Variants in MMRN2 observed in about 807,000 individuals in gnomAD.
MMRN2 encodes multimerin 2, also known as multimerin-2.
In MMRN2, 53 loss-of-function variants were observed where a neutral mutation model predicts 68.8. The observed-to-expected ratio is 0.77, with a 90% CI of 0.62 to 0.97. MMRN2 has a LOEUF of 0.97. Among genes scored for constraint, MMRN2 ranks in the 50% least tolerant of loss-of-function variants. The pLI, the probability that MMRN2 is intolerant of heterozygous loss-of-function variation, is 0.00. For missense variants in MMRN2, 1,266 were observed against 1,259.5 expected, an observed-to-expected ratio of 1.01 and a Z score of -0.08; for synonymous variants, 564 against 551.6, an observed-to-expected ratio of 1.02 and a Z score of -0.32.
At chr10:86,945,943 A>G in intron 1 of MMRN2, 1 of 934,304 alleles carries the variant, frequency 1.1e-6, no homozygotes, top group South Asian at 1.8e-5. Flanking sequence ...AGGCTGAGAA[A>G]CCCACCACAA....
intron 1 of MMRN2, among the ~76,000 whole-genome samples, chr10:86,954,718 C>T (rs1156615172): frequency 6.6e-6 from 1 of 151,986 alleles, no homozygotes; most frequent in Non-Finnish European, 1.5e-5. Context: ...AAGCCTGAGG[C>T]TCTCAGGGAT....
intron 1 of MMRN2, chr10:86,949,897 A>AATG (rs1263462394): frequency 4.8e-5 from 7 of 147,210 alleles, no homozygotes; most frequent in Non-Finnish European, 9.0e-5. Context: ...TAATAATGAT[A>AATG]ATAATAATAA....
At chr10:86,942,014 C>T (rs950888834) in intron 6 of MMRN2, among the ~76,000 whole-genome samples, 2 of 151,946 alleles carry the variant, frequency 1.3e-5, no homozygotes, top group East Asian at 3.9e-4. Context: ...GGGCAGGAGG[C>T]GATGCCCTCT....
Position 86,943,863 on chromosome 10 carries a change from C to A in MMRN2, c.921G>T (p.Leu307=), listed in dbSNP as rs1402318332. Residue 307 remains leucine, a synonymous_variant, in exon 6 of 7, where the codon CTG becomes CTT. Transcript: ENST00000372027. This position sits in a 1 kb window ranked among gnomAD's most constrained non-coding sequence, Gnocchi z 4.2. ...GCAGGCGGTCCTCCACGTCCTGTCGCAGCTGACCCACTCTCTGAGTGTTCT... is the reference window on the plus strand; with the variant it reads ...GCAGGCGGTCCTCCACGTCCTGTCGAAGCTGACCCACTCTCTGAGTGTTCT... ...VQENTQRVGQ[L]RQDVEDRLHA... 3.1e-6 allele frequency: 5 copies of A among 1,613,696 alleles called. No homozygotes were observed.
Position 86,937,041 on chromosome 10 carries a change from A to G in MMRN2, c.2552T>C (p.Ile851Thr), listed in dbSNP as rs201470812. Residue 851 changes from isoleucine (I) to threonine (T), a missense_variant, in exon 7 of 7, where the codon ATT (isoleucine) becomes ACT (threonine). Ile to Thr is a moderately conservative substitution (Grantham distance 89). Coordinates refer to ENST00000372027, the MANE Select transcript of MMRN2 (RefSeq NM_024756.3). The part of the protein sequence containing the change: ...TVKFNTTYIN[I>T]GSSYFPEHGY... The stretch of plus-strand genomic sequence containing the variant: ...ATGTTCAGGGAAGTAGCTGCTGCCA[A>G]TGTTGATGTATGTGGTGTTGAACTT... 1.2e-5 allele frequency: 19 copies of G among 1,614,076 alleles called. No homozygotes were observed. The highest frequency in any genetic ancestry group is 5.3e-5 in the African/African-American group (4 of 74,928).
In MMRN2 at chr10:86,943,097, G is replaced by A. The variant is rs1406260169; in HGVS notation, c.1687C>T (p.Arg563Trp). Residue 563 changes from arginine (R) to tryptophan (W), a missense_variant, in exon 6 of 7, where the codon CGG becomes TGG. By Grantham distance (101) the Arg-to-Trp change is moderately radical (BLOSUM62 -3). Transcript: ENST00000372027. The surrounding 1 kb of genome is among the most constrained non-coding windows in gnomAD (Gnocchi z 4.2). Reference protein sequence around the residue: ...EGERARAATSRLRSQVQALDD... With the variant: ...EGERARAATSWLRSQVQALDD... Reference sequence around the variant, plus strand: ...AGCGCCTGCACTTGGCTCCGGAGCCGCGACGTGGCCGCCCGCGCCCGCTCG... The same window carrying A: ...AGCGCCTGCACTTGGCTCCGGAGCCACGACGTGGCCGCCCGCGCCCGCTCG... The A allele has an allele frequency of 2.1e-6, 3 of 1,458,544 alleles. No individual in the cohort carries two copies. The highest frequency in any genetic ancestry group is 2.7e-6 in the Non-Finnish European group (3 of 1,114,694). The allele number at this position is 1,458,544 out of a possible 1,614,324, so 90.4% of individuals were successfully genotyped here. A position where few individuals can be genotyped will look rare whatever the true frequency, so the allele number is the denominator to read the frequency against.
chr10:86,939,806 GGTGTGTGTGTGTGTGT>G (rs769816445), intron 6 of MMRN2, among the ~76,000 whole-genome samples: 2 of 146,626 alleles, frequency 1.4e-5, no homozygotes, highest in South Asian at 2.2e-4. Context: ...GGAAATTTGG[GGTGTGTGTGTGTGTGT>G]GTGTGTGTGT....
At position 86,942,825 on chromosome 10, in the gene MMRN2, G is replaced by T; in HGVS notation, c.1959C>A (p.Leu653=). 9 of 1,366,810 alleles carry T rather than the reference G, an allele frequency of 6.6e-6. No homozygotes were observed. The highest frequency in any genetic ancestry group is 1.7e-5 in the South Asian group (1 of 58,154). The allele number at this position is 1,366,810 out of a possible 1,614,324, so 84.7% of individuals were successfully genotyped here. A position where few individuals can be genotyped will look rare whatever the true frequency, so the allele number is the denominator to read the frequency against. ...DAASGLQEQA[L]GWDELAARVT... ...CTCGGGCGGCCAGCTCGTCCCAGCC[G>T]AGCGCCTGCTCCTGCAGCCCGCTAG... Residue 653 remains leucine (L), a synonymous_variant, in exon 6 of 7, where the codon CTC becomes CTA. Transcript: ENST00000372027.
chr10:86,944,965 A>G (rs1194192854), intron 4 of MMRN2, among the ~76,000 whole-genome samples: 2 of 152,204 alleles, frequency 1.3e-5, no homozygotes, highest in African/African-American at 4.8e-5. Context: ...TTCCCAGAAG[A>G]TGGGGTGAAG....
chr10:86,947,151 G>A (rs1368980127), intron 1 of MMRN2, among the ~76,000 whole-genome samples: 28 of 152,166 alleles, frequency 1.8e-4, no homozygotes, highest in Admixed American at 1.8e-3. Flanking sequence ...CTGTGTCCAC[G>A]GTCTGGGGAG....
chr10:86,943,173 C>T lies in MMRN2; in HGVS notation c.1611G>A (p.Gln537=). Residue 537 remains glutamine, a synonymous_variant, in exon 6 of 7, where the codon CAG becomes CAA. Coordinates refer to ENST00000372027, the MANE Select transcript of MMRN2 (RefSeq NM_024756.3). This position sits in a 1 kb window ranked among gnomAD's most constrained non-coding sequence, Gnocchi z 4.2. The part of the protein sequence containing the change: ...QLDGSSLQAL[Q]NAVDAVSLAV... ...CCAGCGACACGGCGTCCACGGCGTTCTGCAGGGCCTGCAGGGAGGAGCCGT... is the reference window on the plus strand; with the variant it reads ...CCAGCGACACGGCGTCCACGGCGTTTTGCAGGGCCTGCAGGGAGGAGCCGT... 1.2e-6 allele frequency: 2 copies of T among 1,606,582 alleles called. No individual in the cohort carries two copies. The highest frequency in any genetic ancestry group is 1.7e-6 in the Non-Finnish European group (2 of 1,176,674).
rs761241931 is a variant in MMRN2 at position 86,943,593 on chromosome 10, G to C, written c.1191C>G (p.Thr397=). The change falls in exon 6 of 7, where the codon ACC becomes ACG. Residue 397 remains threonine (T), a synonymous_variant. Coordinates refer to ENST00000372027, the MANE Select transcript of MMRN2 (RefSeq NM_024756.3). The surrounding 1 kb of genome is among the most constrained non-coding windows in gnomAD (Gnocchi z 4.2). ...TCAGGGTGGCCCTCATGTCCTCCAG[G>C]GTGTACTGCAACTCCTCCTCCCTGC... ...TARREEELQY[T]LEDMRATLTR... 1.2e-6 allele frequency: 2 copies of C among 1,614,064 alleles called. No individual in the cohort carries two copies. The highest frequency in any genetic ancestry group is 8.5e-7 in the Non-Finnish European group (1 of 1,180,030).
chr10:86,945,106 T>G, intron 4 of MMRN2, 82 bp downstream of exon 4: 1 of 1,234,156 alleles, frequency 8.1e-7, no homozygotes, highest in Non-Finnish European at 1.2e-6. Context: ...GAAATGGCAC[T>G]GCTGTATCAC....
Position 86,943,542 on chromosome 10 carries a change from T to C in MMRN2, c.1242A>G (p.Glu414=), listed in dbSNP as rs746909274. 2 of 1,614,220 alleles carry C rather than the reference T, an allele frequency of 1.2e-6. No homozygotes were observed. Among genetic ancestry groups the C allele is most frequent in the South Asian group, 1.1e-5 (1 of 91,084 alleles). Residue 414 remains glutamate (E), a synonymous_variant, in exon 6 of 7, where the codon GAA becomes GAG. Coordinates refer to ENST00000372027, the MANE Select transcript of MMRN2 (RefSeq NM_024756.3). The surrounding 1 kb of genome is among the most constrained non-coding windows in gnomAD (Gnocchi z 4.2). The part of the protein sequence containing the change: ...TLTRHVDEIK[E]LYSESDETFD... The stretch of plus-strand genomic sequence containing the variant: ...AAGTCTCGTCCGATTCGGAGTACAG[T>C]TCCTTGATCTCATCCACGTGCCGGG...
Position 86,935,669 on chromosome 10 carries a change from G to A in MMRN2, c.*1074C>T, listed in dbSNP as rs1843866315. The A allele has an allele frequency of 6.6e-6, 1 of 152,160 alleles. No homozygotes were observed. The highest frequency in any genetic ancestry group is 2.4e-5 in the African/African-American group (1 of 41,446). The allele number at this position is 152,160 out of a possible 1,614,324, so 9.4% of individuals were successfully genotyped here. A position where few individuals can be genotyped will look rare whatever the true frequency, so the allele number is the denominator to read the frequency against. On this transcript the variant is annotated 3_prime_UTR_variant, in exon 7 of 7. Transcript: ENST00000372027. Reference sequence around the variant, plus strand: ...AGAATTACGATGGTCCTAAGATACTGGAGGAAGTAAAAAAGTTGAAGGCCC... The same window carrying A: ...AGAATTACGATGGTCCTAAGATACTAGAGGAAGTAAAAAAGTTGAAGGCCC...
intron 6 of MMRN2, among the ~76,000 whole-genome samples, chr10:86,938,911 C>G (rs1432589727): frequency 1.3e-5 from 2 of 152,172 alleles, no homozygotes; most frequent in Non-Finnish European, 2.9e-5. Context: ...GCCTGTAATC[C>G]CAGCACTTTG....
At position 86,945,230 on chromosome 10, in the gene MMRN2, T is replaced by C; in HGVS notation, c.439A>G (p.Ser147Gly). ...AIPEPADPGD[S>G]HQEPQDGPVS... ...GGTCCATCCTGAGGTTCCTGGTGGCTGTCACCAGGATCTGCAGGCTCAGGG... is the reference window on the plus strand; with the variant it reads ...GGTCCATCCTGAGGTTCCTGGTGGCCGTCACCAGGATCTGCAGGCTCAGGG... Residue 147 changes from serine to glycine, a missense_variant, in exon 4 of 7, where the codon AGC (serine) becomes GGC (glycine). Coordinates refer to ENST00000372027, the MANE Select transcript of MMRN2 (RefSeq NM_024756.3). The C allele has an allele frequency of 6.2e-7, 1 of 1,613,910 alleles. No individual in the cohort carries two copies. Among genetic ancestry groups the C allele is most frequent in the Non-Finnish European group, 8.5e-7 (1 of 1,180,012 alleles).
At position 86,943,368 on chromosome 10, in the gene MMRN2, G is replaced by A. The variant is rs1441335291; in HGVS notation, c.1416C>T (p.Asn472=). ...EEVERQLLEL[N]LTLQHLQGGH... ...CACCCTGCAGGTGCTGCAGCGTGAG[G>A]TTGAGCTCCAGGAGCTGCCGCTCCA... Residue 472 remains asparagine, a synonymous_variant, in exon 6 of 7, where the codon AAC becomes AAT. Transcript: ENST00000372027. This position sits in a 1 kb window ranked among gnomAD's most constrained non-coding sequence, Gnocchi z 4.2. 6.2e-7 allele frequency: 1 copy of A among 1,614,050 alleles called. No individual in the cohort carries two copies. Among genetic ancestry groups the A allele is most frequent in the Non-Finnish European group, 8.5e-7 (1 of 1,180,012 alleles).
chr10:86,942,936 C>T lies in MMRN2; in HGVS notation c.1848G>A (p.Glu616=). ...HEAVLAALFG[E]EVLEEMSEQT... ...GCTCAGACATCTCCTCCAGCACCTCCTCCCCGAAGAGCGCGGCCAGCACCG... is the reference window on the plus strand; with the variant it reads ...GCTCAGACATCTCCTCCAGCACCTCTTCCCCGAAGAGCGCGGCCAGCACCG... The change falls in exon 6 of 7, where the codon GAG becomes GAA. Residue 616 remains glutamate, a synonymous_variant. Transcript: ENST00000372027. 6.7e-7 allele frequency: 1 copy of T among 1,500,546 alleles called. No homozygotes were observed. The highest frequency in any genetic ancestry group is 8.9e-7 in the Non-Finnish European group (1 of 1,125,944). The allele number at this position is 1,500,546 out of a possible 1,614,324, so 93.0% of individuals were successfully genotyped here.
Sources: gnomAD v4.1 joint callset for allele counts (sites outside exome capture counted in the v4.1 genomes callset) on GRCh38, gnomAD v4.1.1 for gene constraint, Gnocchi (gnomAD v3.1) non-coding constraint, MANE v1.5 for transcripts, NCBI Gene and HGNC (gene_info 2026-07-23, HGNC 2026-07-21) for gene names.